The following WDR17 variants were observed in gnomAD, a reference collection of about 807,000 sequenced individuals.
WDR17 encodes the protein WD repeat-containing protein 17.
A neutral mutation model predicts 161.7 loss-of-function variants in WDR17; 143 were observed. The observed-to-expected ratio is 0.88, with a 90% CI of 0.77 to 1.02. The LOEUF (loss-of-function observed/expected upper bound fraction) is 1.02, where lower values mean the gene tolerates loss of function less well. Ranked by LOEUF, WDR17 falls within the 50% of genes least tolerant of loss-of-function variation. The probability of loss-of-function intolerance (pLI) is 0.00; values close to 1 mark genes in which losing one functional copy is unlikely to be tolerated. For synonymous variants in WDR17, 517 were observed against 515.6 expected, an observed-to-expected ratio of 1.00 and a Z score of -0.04; for missense variants, 1,469 against 1,520.9, an observed-to-expected ratio of 0.97 and a Z score of 0.57.
intron 3 of WDR17, among the ~76,000 whole-genome samples, chr4:176,116,425 A>G (rs2126709617): frequency 6.6e-6 from 1 of 151,974 alleles, no homozygotes; most frequent in Non-Finnish European, 1.5e-5. Flanking sequence ...TCAAGGTAGA[A>G]CATCCTCATT....
chr4:176,139,761 A>C (rs1744957665), intron 9 of WDR17, 131 bp from the exon 10 acceptor site: 1 of 648,606 alleles, frequency 1.5e-6, no homozygotes, highest in Non-Finnish European at 2.6e-6. Context: ...TCTGCTCTTG[A>C]CAGTAATGCC....
chr4:176,115,200 G>A (rs1323743902), intron 2 of WDR17, among the ~76,000 whole-genome samples: 2 of 151,882 alleles, frequency 1.3e-5, no homozygotes, highest in Admixed American at 1.3e-4. Flanking sequence ...TGCTAAAAAT[G>A]ATAGAGATTA....
intron 22 of WDR17, among the ~76,000 whole-genome samples, chr4:176,167,483 A>G (rs1322468266): frequency 6.6e-6 from 1 of 150,518 alleles, no homozygotes; most frequent in Non-Finnish European, 1.5e-5. Context: ...CGTCTCTACT[A>G]AAAATACAAA....
chr4:176,156,490 C>A (rs1748143269), intron 18 of WDR17, among the ~76,000 whole-genome samples: 1 of 151,932 alleles, frequency 6.6e-6, no homozygotes, highest in Non-Finnish European at 1.5e-5. Flanking sequence ...AAATACTATT[C>A]TATTAATTAT....
At chr4:176,148,378 T>C (rs1746536833) in intron 13 of WDR17, 43 bp downstream of exon 13, 3 of 1,533,518 alleles carry the variant, frequency 2.0e-6, no homozygotes, top group Non-Finnish European at 1.8e-6. Context: ...TATATTGACA[T>C]ACTAATGATG....
At chr4:176,172,165 C>A (rs555967089) in intron 23 of WDR17, among the ~76,000 whole-genome samples, 1 of 152,280 alleles carries the variant, frequency 6.6e-6, no homozygotes, top group East Asian at 1.9e-4. Context: ...ACTACTAACT[C>A]ATTAACTAAT....
chr4:176,131,034 G>A (rs1561148785), intron 6 of WDR17, among the ~76,000 whole-genome samples: 2 of 152,100 alleles, frequency 1.3e-5, no homozygotes, highest in Non-Finnish European at 1.5e-5. Context: ...AAAGAAAATT[G>A]AGATGCCAGT....
chr4:176,142,076 G>T lies in WDR17; in HGVS notation c.1529+7G>T. ...ATTGGAGCCAAAACAATAAGTAAGT[G>T]GTTTTTTTTCCTGAAATAAATAATA... is the stretch of plus-strand genomic sequence containing the variant. On this transcript the variant is annotated splice_region_variant and intron_variant, in intron 11 of 28. Coordinates refer to ENST00000508596, the MANE Select transcript of WDR17 (RefSeq NM_181265.4). 1 of 1,601,504 alleles carries T rather than the reference G, an allele frequency of 6.2e-7. No individual in the cohort carries two copies. Among genetic ancestry groups the T allele is most frequent in the Non-Finnish European group, 8.5e-7 (1 of 1,174,558 alleles).
intron 1 of WDR17, among the ~76,000 whole-genome samples, chr4:176,082,291 G>A (rs1734848148): frequency 1.3e-5 from 2 of 152,034 alleles, no homozygotes; most frequent in Non-Finnish European, 2.9e-5. Flanking sequence ...ACTATAGACA[G>A]TAATGACTGA....
intron 8 of WDR17, among the ~76,000 whole-genome samples, chr4:176,136,612 G>T (rs755218932): frequency 5.3e-5 from 8 of 151,414 alleles, no homozygotes; most frequent in Non-Finnish European, 1.0e-4. Flanking sequence ...GAGGTAAGTG[G>T]GGATGATATT....
At chr4:176,134,941 T>C (rs2126769217) in intron 7 of WDR17, among the ~76,000 whole-genome samples, 167 bp from the exon 8 acceptor site, 1 of 151,702 alleles carries the variant, frequency 6.6e-6, no homozygotes, top group East Asian at 1.9e-4. Flanking sequence ...ACAGAGAACA[T>C]TCAATCACTG....
intron 22 of WDR17, among the ~76,000 whole-genome samples, chr4:176,166,630 A>T (rs1483481902): frequency 6.6e-6 from 1 of 152,186 alleles, no homozygotes; most frequent in Non-Finnish European, 1.5e-5. Context: ...AATTTTGTCT[A>T]TAGTTCAATG....
At chr4:176,101,437 C>G (rs1737813236) in intron 1 of WDR17, among the ~76,000 whole-genome samples, 1 of 152,120 alleles carries the variant, frequency 6.6e-6, no homozygotes, top group South Asian at 2.1e-4. Context: ...CAAAAAAATA[C>G]AGTTTGAAGA....
intron 17 of WDR17, among the ~76,000 whole-genome samples, chr4:176,153,218 A>G (rs896298421): frequency 1.3e-5 from 2 of 152,170 alleles, no homozygotes; most frequent in African/African-American, 4.8e-5. Context: ...TTACAAACAA[A>G]CAAAAAACGA....
At chr4:176,111,020 A>G (rs933286082) in intron 1 of WDR17, among the ~76,000 whole-genome samples, 2 of 152,210 alleles carry the variant, frequency 1.3e-5, no homozygotes, top group Admixed American at 1.3e-4. Flanking sequence ...TACCTGTCTT[A>G]TGCACCTCAA....
intron 1 of WDR17, among the ~76,000 whole-genome samples, chr4:176,101,681 A>G (rs532478278): frequency 6.6e-6 from 1 of 152,210 alleles, no homozygotes; most frequent in Non-Finnish European, 1.5e-5. Flanking sequence ...GGATAGACAG[A>G]TAGATCAATG....
rs140127716 is a variant in WDR17, at chr4:176,092,083, C to A, written c.-6-19492C>A. On this transcript the variant is annotated intron_variant, in intron 1 of 28. Coordinates refer to ENST00000508596, the MANE Select transcript of WDR17 (RefSeq NM_181265.4). ...TAAAATAGAGGAGGAAAGAATACTT[C>A]CAAACCCATTCTTTGAGGCCAGTAT... is the stretch of plus-strand genomic sequence containing the variant. 4.6e-5 allele frequency among the ~76,000 whole-genome samples: 7 copies of A among 152,248 alleles called. 1 individual carries two copies. Among genetic ancestry groups the A allele is most frequent in the African/African-American group, 1.7e-4 (7 of 41,572 alleles).
intron 1 of WDR17, among the ~76,000 whole-genome samples, chr4:176,076,012 A>G (rs1343178840): frequency 6.6e-6 from 1 of 151,920 alleles, no homozygotes; most frequent in African/African-American, 2.4e-5. Context: ...ATAGTTCTTC[A>G]GTTTAATAAA....
intron 17 of WDR17, among the ~76,000 whole-genome samples, chr4:176,155,648 G>A (rs1747982762): frequency 2.8e-5 from 4 of 140,538 alleles, no homozygotes; most frequent in Non-Finnish European, 3.0e-5. Flanking sequence ...GGGCTCAAAC[G>A]ATCCTGTCCA....
Sources: allele counts gnomAD v4.1 joint callset (sites outside exome capture counted in the v4.1 genomes callset), GRCh38; gene constraint gnomAD v4.1.1; transcripts MANE v1.5; gene names NCBI Gene and HGNC (gene_info 2026-07-23, HGNC 2026-07-21).